SERPINI1: variants seen among roughly 807,000 people sequenced by gnomAD.
SERPINI1 encodes the protein serpin family I member 1.
In SERPINI1, 19 loss-of-function variants were observed where a neutral mutation model predicts 41.1. That is an observed-to-expected ratio of 0.46 (90% CI 0.32 to 0.68). SERPINI1 has a LOEUF of 0.68. Among genes scored for constraint, SERPINI1 ranks in the 30% least tolerant of loss-of-function variants. The probability of loss-of-function intolerance (pLI) is 0.03; values close to 1 mark genes in which losing one functional copy is unlikely to be tolerated. For missense variants in SERPINI1, 460 were observed against 479.2 expected, an observed-to-expected ratio of 0.96 and a Z score of 0.37; for synonymous variants, 138 against 156.6, an observed-to-expected ratio of 0.88 and a Z score of 0.89.
intron 6 of SERPINI1, among the ~76,000 whole-genome samples, chr3:167,819,876 A>G (rs6797197): frequency 0.28 from 42,914 of 152,098 alleles, 7,385 homozygotes; most frequent in African/African-American, 0.48. Context: ...GAATTGAAAG[A>G]GGGGTTATAA....
At chr3:167,800,613 C>T (rs1262097943) in intron 5 of SERPINI1, among the ~76,000 whole-genome samples, 1 of 152,136 alleles carries the variant, frequency 6.6e-6, no homozygotes, top group Non-Finnish European at 1.5e-5. Flanking sequence ...TCTACTCTGG[C>T]TTTGTAGTCT....
chr3:167,748,750 C>CTG (rs1491340662), intron 1 of SERPINI1, among the ~76,000 whole-genome samples: 3 of 104,450 alleles, frequency 2.9e-5, no homozygotes, highest in East Asian at 2.7e-4. Context: ...GAGTGTGTTA[C>CTG]TCTGTGTGTG....
At chr3:167,818,014 T>TTTGG (rs1442053645) in intron 6 of SERPINI1, among the ~76,000 whole-genome samples, 8 of 137,294 alleles carry the variant, frequency 5.8e-5, no homozygotes, top group African/African-American at 1.2e-4. Context: ...ATGGAAATAT[T>TTTGG]TTGGTTGTTT....
At chr3:167,744,855 A>T (rs1725816053) in intron 1 of SERPINI1, among the ~76,000 whole-genome samples, 1 of 114,476 alleles carries the variant, frequency 8.7e-6, no homozygotes, top group Non-Finnish European at 1.7e-5. Flanking sequence ...AACTATAGTT[A>T]TATATATATA....
At chr3:167,770,567 T>G (rs1179797334) in intron 1 of SERPINI1, among the ~76,000 whole-genome samples, 1 of 152,140 alleles carries the variant, frequency 6.6e-6, no homozygotes, top group Non-Finnish European at 1.5e-5. Context: ...TTAGTCTAAT[T>G]TTTTTAAAGC....
At chr3:167,776,050 G>T (rs866138544) in intron 1 of SERPINI1, among the ~76,000 whole-genome samples, 40 of 152,162 alleles carry the variant, frequency 2.6e-4, no homozygotes, top group Non-Finnish European at 4.4e-5. Context: ...CCACAGTCTT[G>T]TAAACAGGCA....
At chr3:167,803,099 G>C (rs1486266573) in intron 5 of SERPINI1, among the ~76,000 whole-genome samples, 1 of 151,818 alleles carries the variant, frequency 6.6e-6, no homozygotes, top group East Asian at 1.9e-4. Flanking sequence ...GACACAGGAA[G>C]GGGAACATCA....
chr3:167,816,403 C>T (rs376518518), intron 6 of SERPINI1, among the ~76,000 whole-genome samples: 6 of 152,140 alleles, frequency 3.9e-5, no homozygotes, highest in Admixed American at 1.3e-4. Flanking sequence ...TCATAGTGCA[C>T]ATCAGATGAC....
At position 167,770,958 on chromosome 3, in the gene SERPINI1, C is replaced by A. The variant is rs148328716; in HGVS notation, c.-18-18153C>A. 3.1e-3 allele frequency among the ~76,000 whole-genome samples: 477 copies of A among 152,276 alleles called. 2 individuals carry two copies. The highest frequency in any genetic ancestry group is 0.011 in the African/African-American group (460 of 41,556). ...ATCATGTTAATCTGTCCTTATTTTG[C>A]TAAGAATACTACTTAAAAGATGAAG... On this transcript the variant is annotated intron_variant, in intron 1 of 8. Coordinates refer to ENST00000446050, the MANE Select transcript of SERPINI1 (RefSeq NM_001122752.2).
intron 1 of SERPINI1, among the ~76,000 whole-genome samples, chr3:167,788,619 G>A (rs1727391097): frequency 6.6e-6 from 1 of 152,180 alleles, no homozygotes; most frequent in Admixed American, 6.5e-5. Context: ...GAATAAACTG[G>A]GATTTGAGGC....
chr3:167,800,838 ACT>A (rs1482392114), intron 5 of SERPINI1, among the ~76,000 whole-genome samples: 2 of 141,082 alleles, frequency 1.4e-5, no homozygotes, highest in Non-Finnish European at 2.9e-5. Flanking sequence ...ACAGAATCTC[ACT>A]CTGTCACCCA....
At chr3:167,769,193 C>A (rs1726661059) in intron 1 of SERPINI1, among the ~76,000 whole-genome samples, 1 of 152,016 alleles carries the variant, frequency 6.6e-6, no homozygotes, top group South Asian at 2.1e-4. Flanking sequence ...GGGGTTTCAC[C>A]ATGTTGGCCA....
chr3:167,759,112 G>A (rs1726287813), intron 1 of SERPINI1, among the ~76,000 whole-genome samples: 1 of 152,000 alleles, frequency 6.6e-6, no homozygotes, highest in Non-Finnish European at 1.5e-5. Flanking sequence ...CCTCTCTACA[G>A]AAACTGCTGG....
intron 5 of SERPINI1, 104 bp downstream of exon 5, chr3:167,794,928 G>A (rs763635092): frequency 1.0e-4 from 86 of 822,066 alleles, no homozygotes; most frequent in Non-Finnish European, 1.7e-4. Context: ...TATAATTCTT[G>A]TGCCACTCTC....
At chr3:167,790,329 C>T (rs760544243) in intron 2 of SERPINI1, 43 bp from the exon 3 acceptor site, 12 of 1,399,046 alleles carry the variant, frequency 8.6e-6, no homozygotes, top group Middle Eastern at 1.9e-4. Context: ...GACATTTCAC[C>T]GTGTTTGTTC....
At chr3:167,744,667 T>A (rs1000180230) in intron 1 of SERPINI1, among the ~76,000 whole-genome samples, 43 of 113,360 alleles carry the variant, frequency 3.8e-4, no homozygotes, top group African/African-American at 8.7e-4. Context: ...AATATAAAAA[T>A]ATATATATAA....
At chr3:167,771,838 T>C (rs1017277169) in intron 1 of SERPINI1, among the ~76,000 whole-genome samples, 1 of 150,044 alleles carries the variant, frequency 6.7e-6, no homozygotes. Flanking sequence ...TGTGCGCGTG[T>C]GTGTGTGTGC....
At chr3:167,813,308 C>T (rs1276120376) in intron 6 of SERPINI1, among the ~76,000 whole-genome samples, 7 of 152,210 alleles carry the variant, frequency 4.6e-5, no homozygotes. Flanking sequence ...GCAGCTGCCA[C>T]AGCTATCTTC....
Position 167,737,649 on chromosome 3 carries a change from G to A in SERPINI1, c.-19+1826G>A, listed in dbSNP as rs531536779. 3.3e-5 allele frequency among the ~76,000 whole-genome samples: 5 copies of A among 152,158 alleles called. No individual in the cohort carries two copies. In the East Asian group the frequency reaches 9.7e-4, roughly 29 times the overall value. On this transcript the variant is annotated intron_variant, in intron 1 of 8. Transcript: ENST00000446050. ...GCTGTCGCTGGGTTATTTCCCCTAT[G>A]TAATAATTATAATACTACCAATGAA...
Sources: gnomAD v4.1 joint callset for allele counts (sites outside exome capture counted in the v4.1 genomes callset) on GRCh38, gnomAD v4.1.1 for gene constraint, MANE v1.5 for transcripts, NCBI Gene and HGNC (gene_info 2026-07-23, HGNC 2026-07-21) for gene names.